Variants in UBLCP1 observed in about 807,000 individuals in gnomAD.
UBLCP1 encodes ubiquitin-like domain-containing CTD phosphatase 1.
In UBLCP1, 28 loss-of-function variants were observed where a neutral mutation model predicts 42.4. That is an observed-to-expected ratio of 0.66 (90% CI 0.49 to 0.90). The LOEUF is 0.90. Among genes scored for constraint, UBLCP1 ranks in the 40% least tolerant of loss-of-function variants. UBLCP1 has a pLI of 0.00. For synonymous variants in UBLCP1, 122 were observed against 120.8 expected (o/e 1.01, Z -0.07); for missense variants, 279 against 374.5 (o/e 0.75, Z 2.10).
intron 1 of UBLCP1, among the ~76,000 whole-genome samples, chr5:159,264,328 G>A (rs1042822631): frequency 2.0e-5 from 3 of 152,214 alleles, no homozygotes; most frequent in Non-Finnish European, 2.9e-5. Flanking sequence ...TAAATCTGAT[G>A]GGATCTGAAA....
At chr5:159,276,511 A>T (rs1753539220) in intron 8 of UBLCP1, among the ~76,000 whole-genome samples, 1 of 152,238 alleles carries the variant, frequency 6.6e-6, no homozygotes, top group African/African-American at 2.4e-5. Context: ...TCTTAACATT[A>T]AAAATTACTT....
Position 159,269,063 on chromosome 5 carries a change from G to C in UBLCP1, c.148G>C (p.Val50Leu), listed in dbSNP as rs1319348759. The change falls in exon 2 of 11, where the codon GTT (valine) becomes CTT (leucine). Residue 50 changes from valine to leucine, a missense_variant. By Grantham distance (32) the Val-to-Leu change is conservative (BLOSUM62 1). Transcript: ENST00000296786. ...PERQKLLGLK[V>L]KGKPAENDVK... Reference sequence around the variant, plus strand: ...ACGCCAAAAGTTACTTGGACTCAAAGTTAAAGGTAATTCTCTCCCCTCTTC... The same window carrying C: ...ACGCCAAAAGTTACTTGGACTCAAACTTAAAGGTAATTCTCTCCCCTCTTC... The C allele has an allele frequency of 6.3e-7, 1 of 1,574,832 alleles. No homozygotes were observed. Among genetic ancestry groups the C allele is most frequent in the Non-Finnish European group, 8.6e-7 (1 of 1,165,552 alleles).
intron 1 of UBLCP1, among the ~76,000 whole-genome samples, chr5:159,264,374 A>C (rs1753348165): frequency 6.6e-6 from 1 of 152,266 alleles, no homozygotes; most frequent in Admixed American, 6.5e-5. Flanking sequence ...TTAAATGTGA[A>C]AGCAAAATAG....
chr5:159,275,254 G>A lies in UBLCP1; in HGVS notation c.684+8G>A. ...AGGAGAGGATTAATAGACGTAAGAA[G>A]TCATTTTATTTCTATTTAATGACAC... On this transcript the variant is annotated splice_region_variant and intron_variant, in intron 8 of 10. Transcript: ENST00000296786. 1 of 1,603,256 alleles carries A rather than the reference G, an allele frequency of 6.2e-7. No individual in the cohort carries two copies. Among genetic ancestry groups the A allele is most frequent in the Non-Finnish European group, 8.5e-7 (1 of 1,172,560 alleles).
At chr5:159,282,051 C>T (rs1753616138) in intron 9 of UBLCP1, among the ~76,000 whole-genome samples, 1 of 151,984 alleles carries the variant, frequency 6.6e-6, no homozygotes. Context: ...TATAAAATTG[C>T]TTAAACCCCC....
rs145020743 is a variant in UBLCP1, at chr5:159,281,931, A to G, written c.802-1281A>G. Among the ~76,000 whole-genome samples the G allele has an allele frequency of 2.6e-3, 396 of 151,994 alleles. 1 individual carries two copies. The highest frequency in any genetic ancestry group is 4.3e-3 in the Non-Finnish European group (292 of 67,972). On this transcript the variant is annotated intron_variant, in intron 9 of 10. Coordinates refer to ENST00000296786, the MANE Select transcript of UBLCP1 (RefSeq NM_145049.5). Reference sequence around the variant, plus strand: ...AAAAGAATATACTAATACTTTGCTAAGTATGATGAAATCAGTCCTTACATG... The same window carrying G: ...AAAAGAATATACTAATACTTTGCTAGGTATGATGAAATCAGTCCTTACATG...
intron 1 of UBLCP1, among the ~76,000 whole-genome samples, chr5:159,265,920 G>A (rs1753385907): frequency 6.6e-6 from 1 of 152,110 alleles, no homozygotes; most frequent in Non-Finnish European, 1.5e-5. Flanking sequence ...CTGACCTAAG[G>A]TGATTCACCT....
At chr5:159,283,437 T>A in intron 10 of UBLCP1, 98 bp downstream of exon 10, 8 of 1,052,164 alleles carry the variant, frequency 7.6e-6, no homozygotes, top group Non-Finnish European at 1.1e-5. Context: ...CTGTCTTAAT[T>A]TTTATTTAAA....
At chr5:159,271,872 T>A (rs1278687910) in intron 5 of UBLCP1, 151 bp from the exon 6 acceptor site, 3 of 510,540 alleles carry the variant, frequency 5.9e-6, no homozygotes, top group African/African-American at 5.7e-5. Context: ...GAAAGACATC[T>A]TTTTGTCAGC....
intron 8 of UBLCP1, among the ~76,000 whole-genome samples, chr5:159,278,028 T>C (rs77325792): frequency 1.4e-3 from 209 of 152,310 alleles, no homozygotes; most frequent in African/African-American, 4.9e-3. Flanking sequence ...TTTAGTTCAG[T>C]TGGACATGAA....
intron 2 of UBLCP1, 39 bp from the exon 3 acceptor site, chr5:159,269,869 G>A (rs1753442243): frequency 6.5e-7 from 1 of 1,528,512 alleles, no homozygotes; most frequent in South Asian, 1.1e-5. Flanking sequence ...ACCAGCACCT[G>A]AACTTTAGTG....
rs746960131 is a variant in UBLCP1 at position 159,275,138 on chromosome 5, G to A, written c.586-10G>A. On this transcript the variant is annotated splice_polypyrimidine_tract_variant and intron_variant, in intron 7 of 10. Coordinates refer to ENST00000296786, the MANE Select transcript of UBLCP1 (RefSeq NM_145049.5). ...CTATGTTTTAACCTCACAAATATTT[G>A]TGTTTATAGGAGCTGGGAGTGAGCA... 4 of 1,609,000 alleles carry A rather than the reference G, an allele frequency of 2.5e-6. No homozygotes were observed. The highest frequency in any genetic ancestry group is 2.5e-6 in the Non-Finnish European group (3 of 1,176,516).
At chr5:159,280,555 G>A (rs993097416) in intron 9 of UBLCP1, among the ~76,000 whole-genome samples, 1 of 152,116 alleles carries the variant, frequency 6.6e-6, no homozygotes, top group African/African-American at 2.4e-5. Flanking sequence ...CACCTATCTC[G>A]GCCTCTCAAA....
In UBLCP1 at chr5:159,284,829, T is replaced by C. The variant is rs116994204; in HGVS notation, c.930-75T>C. The C allele has an allele frequency of 3.3e-4, 500 of 1,526,366 alleles. 3 individuals carry two copies. The East Asian group carries it at 6.0e-3, about 18-fold the overall frequency. 94.6% of individuals were successfully genotyped at this position (1,526,366 alleles called of 1,614,324 possible). ...ATGTTTTGTCATTAGAACAAACTCC[T>C]TTGGGAGCAAAGTTAGGTTATCTTC... On this transcript the variant is annotated intron_variant, in intron 10 of 10. Transcript: ENST00000296786.
intron 1 of UBLCP1, among the ~76,000 whole-genome samples, chr5:159,266,948 A>G (rs1281923343): frequency 6.6e-6 from 1 of 152,238 alleles, no homozygotes; most frequent in Non-Finnish European, 1.5e-5. Context: ...AGTTTGCTGC[A>G]GGGGTGGGGC....
intron 9 of UBLCP1, among the ~76,000 whole-genome samples, chr5:159,282,983 G>C (rs1469852371): frequency 1.3e-5 from 2 of 152,022 alleles, no homozygotes; most frequent in African/African-American, 4.8e-5. Context: ...GAAAGCTGGT[G>C]TTGTCAGGTT....
At position 159,268,859 on chromosome 5, in the gene UBLCP1, T is replaced by G. The variant is rs1753429703; in HGVS notation, c.-46-11T>G. 4.5e-6 allele frequency: 7 copies of G among 1,568,568 alleles called. No individual in the cohort carries two copies. The highest frequency in any genetic ancestry group is 6.0e-6 in the Non-Finnish European group (7 of 1,157,240). Reference sequence around the variant, plus strand: ...CTATTTTAACTTGTTCATTTTTGTCTTCCTTTCCAGGTATTTTTTTTTCTG... The same window carrying G: ...CTATTTTAACTTGTTCATTTTTGTCGTCCTTTCCAGGTATTTTTTTTTCTG... On this transcript the variant is annotated splice_polypyrimidine_tract_variant and intron_variant, in intron 1 of 10. Coordinates refer to ENST00000296786, the MANE Select transcript of UBLCP1 (RefSeq NM_145049.5).
intron 7 of UBLCP1, 98 bp downstream of exon 7, chr5:159,274,720 C>A: frequency 9.4e-7 from 1 of 1,058,474 alleles, no homozygotes. Flanking sequence ...TACTGGAGGG[C>A]ACTTAGTAGA....
chr5:159,277,474 T>A (rs924139414), intron 8 of UBLCP1, among the ~76,000 whole-genome samples: 1 of 152,094 alleles, frequency 6.6e-6, no homozygotes, highest in Non-Finnish European at 1.5e-5. Context: ...ATTTAAAAAA[T>A]TTTCTGAATG....
Sources: allele counts gnomAD v4.1 joint callset (sites outside exome capture counted in the v4.1 genomes callset), GRCh38; gene constraint gnomAD v4.1.1; transcripts MANE v1.5; gene names NCBI Gene and HGNC (gene_info 2026-07-23, HGNC 2026-07-21).